RAB3GAP2: variants seen among roughly 807,000 people sequenced by gnomAD.
RAB3GAP2 encodes rab3 GTPase-activating protein non-catalytic subunit.
Under a neutral mutation model 185.3 loss-of-function variants are expected in RAB3GAP2, and 87 were observed. The ratio of observed to expected loss-of-function variants is 0.47; its 90% CI spans 0.39 to 0.56. The LOEUF is 0.56. Ranked by LOEUF, RAB3GAP2 falls within the 20% of genes least tolerant of loss-of-function variation. The pLI, the probability that RAB3GAP2 is intolerant of heterozygous loss-of-function variation, is 0.00. For missense variants in RAB3GAP2, 1,492 were observed against 1,638.2 expected (o/e 0.91, Z 1.54); for synonymous variants, 554 against 576.1 (o/e 0.96, Z 0.55).
At chr1:220,218,274 T>G (rs1659235901) in intron 2 of RAB3GAP2, among the ~76,000 whole-genome samples, 1 of 152,156 alleles carries the variant, frequency 6.6e-6, no homozygotes, top group Non-Finnish European at 1.5e-5. Context: ...TCTGTTACTG[T>G]GGTACTAAAA....
rs998367545 is a variant in RAB3GAP2 at position 220,210,273 on chromosome 1, T to C, written c.612+115A>G. 1.6e-5 allele frequency: 13 copies of C among 806,598 alleles called. No individual in the cohort carries two copies. In the Admixed American group the frequency reaches 1.9e-4, roughly 12 times the overall value. 50.0% of individuals were successfully genotyped at this position (806,598 alleles called of 1,614,324 possible). A position where few individuals can be genotyped will look rare whatever the true frequency, so the allele number is the denominator to read the frequency against. On this transcript the variant is annotated intron_variant, in intron 7 of 34. Coordinates refer to ENST00000358951, the MANE Select transcript of RAB3GAP2 (RefSeq NM_012414.4). ...TATTTCTAGACTATGATAGCAGAGC[T>C]AACTAACTGTGCCACAAGACAAAGA...
intron 1 of RAB3GAP2, among the ~76,000 whole-genome samples, chr1:220,265,113 A>C (rs1660207305): frequency 6.6e-6 from 1 of 152,112 alleles, no homozygotes; most frequent in South Asian, 2.1e-4. Flanking sequence ...ATCTCTATAA[A>C]TGTTCTATTT....
chr1:220,272,222 C>T lies in RAB3GAP2; in HGVS notation c.115+1G>A. 6.2e-7 allele frequency: 1 copy of T among 1,602,290 alleles called. No homozygotes were observed. Among genetic ancestry groups the T allele is most frequent in the Non-Finnish European group, 8.5e-7 (1 of 1,175,006 alleles). On this transcript the variant is annotated splice_donor_variant, in intron 1 of 34. Transcript: ENST00000358951. LOFTEE classifies it high-confidence loss of function. ...AAGGGCGAGGCCAGAGAGGCACTTACTGGGGTCCCTCCGCAAGGCGCCGCT... is the reference window on the plus strand; with the variant it reads ...AAGGGCGAGGCCAGAGAGGCACTTATTGGGGTCCCTCCGCAAGGCGCCGCT...
At chr1:220,159,259 T>G (rs1442996898) in intron 29 of RAB3GAP2, 127 bp downstream of exon 29, 9 of 798,032 alleles carry the variant, frequency 1.1e-5, no homozygotes, top group Non-Finnish European at 1.9e-5. Flanking sequence ...CTCTTTTCAT[T>G]TTTCTTATCT....
rs1659220288 is a variant in RAB3GAP2, at chr1:220,217,443, T to C, written c.181-3464A>G. Reference sequence around the variant, plus strand: ...TTTCCCTCTCCTTTCTGTTTTTCCATCAGAAGTTCCAGTTCCTCTGGCAAA... The same window carrying C: ...TTTCCCTCTCCTTTCTGTTTTTCCACCAGAAGTTCCAGTTCCTCTGGCAAA... On this transcript the variant is annotated intron_variant, in intron 2 of 34. Coordinates refer to ENST00000358951, the MANE Select transcript of RAB3GAP2 (RefSeq NM_012414.4). 2.0e-5 allele frequency among the ~76,000 whole-genome samples: 3 copies of C among 152,176 alleles called. No homozygotes were observed. In the South Asian group the frequency reaches 6.2e-4, roughly 31 times the overall value.
intron 26 of RAB3GAP2, among the ~76,000 whole-genome samples, chr1:220,165,567 T>C (rs1658047667): frequency 6.6e-6 from 1 of 152,212 alleles, no homozygotes; most frequent in Non-Finnish European, 1.5e-5. Flanking sequence ...GTAATTTTAT[T>C]GTTTTGAGCC....
chr1:220,265,622 T>A (rs1422334328), intron 1 of RAB3GAP2, among the ~76,000 whole-genome samples: 1 of 152,088 alleles, frequency 6.6e-6, no homozygotes, highest in Non-Finnish European at 1.5e-5. Context: ...ACTCCACCCA[T>A]CCCTGCAACT....
chr1:220,238,954 TACAC>T (rs923694821), intron 1 of RAB3GAP2, among the ~76,000 whole-genome samples: 3 of 152,170 alleles, frequency 2.0e-5, no homozygotes, highest in African/African-American at 4.8e-5. Context: ...TGCACACACA[TACAC>T]ATACATAAAA....
chr1:220,232,762 A>T (rs554192686), intron 2 of RAB3GAP2, 37 bp downstream of exon 2: 1 of 1,528,294 alleles, frequency 6.5e-7, no homozygotes, highest in South Asian at 1.1e-5. Flanking sequence ...GGAAAATGCC[A>T]CTATCAAAAA....
chr1:220,209,654 GCTCCAGTCCAT>G lies in RAB3GAP2; in HGVS notation c.612+723_612+733del, dbSNP rs1659042173. On this transcript the variant is annotated intron_variant, in intron 7 of 34. Transcript: ENST00000358951. The stretch of plus-strand genomic sequence containing the variant: ...ACGAGATAGTTAAGATTCTTTCACA[GCTCCAGTCCAT>G]CTCCCATGCAAATTAAATTAACAAA... Among the ~76,000 whole-genome samples the G allele has an allele frequency of 1.3e-5, 2 of 151,952 alleles. 1 individual carries two copies. Among genetic ancestry groups the G allele is most frequent in the South Asian group, 4.1e-4 (2 of 4,826 alleles).
intron 7 of RAB3GAP2, 100 bp from the exon 8 acceptor site, chr1:220,206,106 A>C: frequency 1.3e-6 from 1 of 758,582 alleles, no homozygotes; most frequent in Non-Finnish European, 2.2e-6. Context: ...TAACCACCCA[A>C]CACCCAAAGC....
rs1177106134 is a variant in RAB3GAP2, at chr1:220,214,058, A to G, written c.181-79T>C. The G allele has an allele frequency of 5.1e-6, 7 of 1,363,224 alleles. No homozygotes were observed. In the East Asian group the frequency reaches 9.3e-5, roughly 18 times the overall value. The allele number at this position is 1,363,224 out of a possible 1,614,324, so 84.4% of individuals were successfully genotyped here. A position where few individuals can be genotyped will look rare whatever the true frequency, so the allele number is the denominator to read the frequency against. ...CTCAGCTTGCCTGTCTCAAGGGGTG[A>G]GAGGGAAGAAAAAAAAGAAAAGGAA... On this transcript the variant is annotated intron_variant, in intron 2 of 34. Transcript: ENST00000358951.
intron 9 of RAB3GAP2, among the ~76,000 whole-genome samples, chr1:220,196,614 T>C (rs1193474637): frequency 6.6e-6 from 1 of 152,020 alleles, no homozygotes; most frequent in Non-Finnish European, 1.5e-5. Flanking sequence ...TTGGATCACT[T>C]GAGGTCAAGA....
At chr1:220,254,142 T>C (rs1659989972) in intron 1 of RAB3GAP2, 2 of 1,613,772 alleles carry the variant, frequency 1.2e-6, no homozygotes, top group East Asian at 4.5e-5. Context: ...AGAATGTGGA[T>C]TCCATTCTTG....
chr1:220,264,169 ACTCT>A (rs759281495), intron 1 of RAB3GAP2, among the ~76,000 whole-genome samples: 7 of 151,756 alleles, frequency 4.6e-5, no homozygotes, highest in Non-Finnish European at 7.4e-5. Context: ...TCAGTACAAA[ACTCT>A]CTCTGCAAAA....
chr1:220,157,774 T>C, intron 30 of RAB3GAP2, 28 bp downstream of exon 30: 1 of 1,554,862 alleles, frequency 6.4e-7, no homozygotes, highest in Non-Finnish European at 8.9e-7. Context: ...TTAGGAGCAG[T>C]TCAGAATGAA....
chr1:220,189,019 C>T (rs1288400564), intron 17 of RAB3GAP2, among the ~76,000 whole-genome samples: 1 of 151,622 alleles, frequency 6.6e-6, no homozygotes, highest in South Asian at 2.1e-4. Flanking sequence ...ACAGGAATGA[C>T]GTAACTATAA....
chr1:220,170,996 G>A lies in RAB3GAP2; in HGVS notation c.2702C>T (p.Thr901Ile). 1 of 1,614,178 alleles carries A rather than the reference G, an allele frequency of 6.2e-7. No individual in the cohort carries two copies. Among genetic ancestry groups the A allele is most frequent in the Non-Finnish European group, 8.5e-7 (1 of 1,180,016 alleles). Reference protein sequence around the residue: ...KQLEDCLILQTLLHSKGNTQT... With the variant: ...KQLEDCLILQILLHSKGNTQT... The stretch of plus-strand genomic sequence containing the variant: ...AGTGTTCCCTTTGCTGTGAAGCAGA[G>A]TCTGAAGTATGAGACAATCCTCCAG... Residue 901 changes from threonine (T) to isoleucine (I), a missense_variant, in exon 24 of 35, where the codon ACT (threonine) becomes ATT (isoleucine). Physicochemically the swap from Thr to Ile is moderately conservative, Grantham distance 89. This residue lies in a region of RAB3GAP2 where 681 missense variants were observed against 689.1 expected (regional missense o/e 0.99). Coordinates refer to ENST00000358951, the MANE Select transcript of RAB3GAP2 (RefSeq NM_012414.4).
chr1:220,197,776 A>AT (rs1383406543), intron 9 of RAB3GAP2, among the ~76,000 whole-genome samples: 1 of 152,126 alleles, frequency 6.6e-6, no homozygotes, highest in Non-Finnish European at 1.5e-5. Flanking sequence ...TAGATATGCA[A>AT]TTTTTTTAAA....
Sources: allele counts gnomAD v4.1 joint callset (sites outside exome capture counted in the v4.1 genomes callset), GRCh38; gene constraint gnomAD v4.1.1; regional missense constraint gnomAD v4.1.1; transcripts MANE v1.5; gene names NCBI Gene and HGNC (gene_info 2026-07-23, HGNC 2026-07-21).